The following DBNDD1 variants were observed in gnomAD, a reference collection of about 807,000 sequenced individuals.
DBNDD1 encodes the protein dysbindin domain containing 1.
In DBNDD1, 14 loss-of-function variants were observed where a neutral mutation model predicts 17.0. The observed-to-expected ratio is 0.82, with a 90% CI of 0.54 to 1.29. The LOEUF is 1.29. Among genes scored for constraint, DBNDD1 ranks in the 50% most tolerant of loss-of-function variants. The probability of loss-of-function intolerance (pLI) is 0.00; values close to 1 mark genes in which losing one functional copy is unlikely to be tolerated. For missense variants in DBNDD1, 221 were observed against 216.2 expected (o/e 1.02, Z -0.14); for synonymous variants, 105 against 102.0 (o/e 1.03, Z -0.18).
upstream of DBNDD1, chr16:90,019,661 G>A (rs968663068): frequency 8.3e-5 from 37 of 446,646 alleles, no homozygotes; most frequent in African/African-American, 6.8e-4. The surrounding 1 kb of genome is among the most constrained non-coding windows in gnomAD (Gnocchi z 6.1). Context: ...CCCCGCCGCG[G>A]ACACCACCGG....
chr16:90,014,542 A>C (rs984324251), intron 1 of DBNDD1, among the ~76,000 whole-genome samples: 5 of 152,162 alleles, frequency 3.3e-5, no homozygotes, highest in Admixed American at 1.3e-4. Flanking sequence ...GCCAAACAGC[A>C]ATCCCCTTCC....
intron 2 of DBNDD1, 160 bp from the exon 3 acceptor site, chr16:90,009,084 T>A: frequency 2.5e-6 from 3 of 1,191,184 alleles, no homozygotes; most frequent in Non-Finnish European, 3.4e-6. Context: ...GAGTGTTGCG[T>A]ATACTCATGA....
In DBNDD1 at chr16:90,017,218, G is replaced by A. The variant is rs940769372; in HGVS notation, c.31+2093C>T. The stretch of plus-strand genomic sequence containing the variant: ...TGCTTTATAAAAATCCTATTTTGCC[G>A]GGCATGGTGGCTGACGCCTGTAATC... On this transcript the variant is annotated intron_variant, in intron 1 of 3. Coordinates refer to ENST00000002501, the MANE Select transcript of DBNDD1 (RefSeq NM_001042610.3). Among the ~76,000 whole-genome samples, 12 of 152,342 alleles carry A rather than the reference G, an allele frequency of 7.9e-5. No homozygotes were observed. In the South Asian group the frequency reaches 1.5e-3, roughly 18 times the overall value.
intron 1 of DBNDD1, among the ~76,000 whole-genome samples, chr16:90,016,387 G>A (rs1233056511): frequency 6.6e-6 from 1 of 152,218 alleles, no homozygotes; most frequent in Non-Finnish European, 1.5e-5. Flanking sequence ...CCCAGGGTGG[G>A]AACCAGAGGC....
intron 1 of DBNDD1, among the ~76,000 whole-genome samples, chr16:90,016,028 A>G (rs1198464532): frequency 5.9e-5 from 9 of 152,340 alleles, no homozygotes; most frequent in South Asian, 4.1e-4. Flanking sequence ...ACAATCCTCA[A>G]TGGAAACAAA....
At chr16:90,006,676 G>A (rs1191143917) in intron 3 of DBNDD1, 184 bp from the exon 4 acceptor site, 1 of 787,390 alleles carries the variant, frequency 1.3e-6, no homozygotes, top group Non-Finnish European at 2.0e-6. Flanking sequence ...CCACCAGAGA[G>A]GTGGATGTTG....
rs1384243378 is a variant in DBNDD1 at position 90,009,345 on chromosome 16, C to T, written c.117G>A (p.Glu39=). 6.2e-7 allele frequency: 1 copy of T among 1,613,578 alleles called. No individual in the cohort carries two copies. The highest frequency in any genetic ancestry group is 8.5e-7 in the Non-Finnish European group (1 of 1,180,020). Residue 39 remains glutamate (E), a synonymous_variant, in exon 2 of 4, where the codon GAG becomes GAA. Coordinates refer to ENST00000002501, the MANE Select transcript of DBNDD1 (RefSeq NM_001042610.3). The part of the protein sequence containing the change: ...GTGDNGHTPV[E]EEVGGIPVPA... ...GTACTGGGATGCCCCCGACCTCCTC[C>T]TCCACAGGCGTGTGGCCATTGTCCC...
chr16:90,012,919 G>A (rs1380955964), intron 1 of DBNDD1, among the ~76,000 whole-genome samples: 2 of 151,606 alleles, frequency 1.3e-5, no homozygotes, highest in East Asian at 3.9e-4. Context: ...AATTTTTTTG[G>A]TAGAGACAGG....
At chr16:90,006,739 G>A (rs1178435138) in intron 3 of DBNDD1, 1 of 548,478 alleles carries the variant, frequency 1.8e-6, no homozygotes, top group Non-Finnish European at 3.3e-6. Context: ...CGGAGTCACT[G>A]TATAGTCTAG....
At chr16:90,016,623 A>G (rs8057672) in intron 1 of DBNDD1, among the ~76,000 whole-genome samples, 45,211 of 152,104 alleles carry the variant, frequency 0.3, 7,102 homozygotes, top group South Asian at 0.44. Flanking sequence ...GGAGCACCTC[A>G]GCGAGGGAGC....
chr16:90,013,684 C>T (rs879604252), intron 1 of DBNDD1, among the ~76,000 whole-genome samples: 22 of 152,294 alleles, frequency 1.4e-4, no homozygotes, highest in Admixed American at 5.2e-4. Context: ...TCTCACTGGG[C>T]GGGGCCCCTC....
rs754857838 is a variant in DBNDD1, at chr16:90,009,950, T to C, written c.32-520A>G. On this transcript the variant is annotated intron_variant, in intron 1 of 3. Transcript: ENST00000002501. ...TAATACATTCTCATTAAATGAAAGT[T>C]ACAAACCAGGAGGAATAGGCAGGCC... is the stretch of plus-strand genomic sequence containing the variant. The C allele has an allele frequency of 6.8e-6, 11 of 1,612,962 alleles. No homozygotes were observed. In the East Asian group the frequency reaches 2.2e-4, roughly 33 times the overall value.
Position 90,019,439 on chromosome 16 carries a change from G to T in DBNDD1, c.-98C>A. The T allele has an allele frequency of 1.4e-6, 1 of 694,814 alleles. No homozygotes were observed. The highest frequency in any genetic ancestry group is 1.9e-6 in the Non-Finnish European group (1 of 531,162). 43.0% of individuals were successfully genotyped at this position (694,814 alleles called of 1,614,324 possible). On this transcript the variant is annotated 5_prime_UTR_variant, in exon 1 of 4. An upstream open reading frame in the 5' UTR gains an earlier in-frame stop. Coordinates refer to ENST00000002501, the MANE Select transcript of DBNDD1 (RefSeq NM_001042610.3). This position sits in a 1 kb window ranked among gnomAD's most constrained non-coding sequence, Gnocchi z 6.1. ...CAGCGACTCGGCCCCGGCTCCGGGC[G>T]CAGCGCATCGGGGCAGCAACCGGGG...
chr16:90,016,947 G>C (rs953775430), intron 1 of DBNDD1, among the ~76,000 whole-genome samples: 1 of 152,184 alleles, frequency 6.6e-6, no homozygotes, highest in African/African-American at 2.4e-5. Flanking sequence ...CTCTGGATTT[G>C]GACCCCCAAA....
rs536339172 is a variant in DBNDD1, at chr16:90,006,419, G to C, written c.393C>G (p.His131Gln). The change falls in exon 4 of 4, where the codon CAC becomes CAG. Residue 131 changes from histidine (H) to glutamine (Q), a missense_variant. By Grantham distance (24) the His-to-Gln change is conservative. Transcript: ENST00000002501. Reference protein sequence around the residue: ...SWTRTRAEQSHEKQPLGDPER... With the variant: ...SWTRTRAEQSQEKQPLGDPER... ...CGGGGTCGCCTAGGGGCTGCTTCTCGTGGCTCTGCTCAGCCCTTGTCCTCG... is the reference window on the plus strand; with the variant it reads ...CGGGGTCGCCTAGGGGCTGCTTCTCCTGGCTCTGCTCAGCCCTTGTCCTCG... 1.2e-6 allele frequency: 2 copies of C among 1,604,466 alleles called. No homozygotes were observed. Among genetic ancestry groups the C allele is most frequent in the Non-Finnish European group, 1.7e-6 (2 of 1,179,792 alleles).
intron 1 of DBNDD1, among the ~76,000 whole-genome samples, chr16:90,018,151 C>T (rs1279204691): frequency 6.6e-6 from 1 of 152,238 alleles, no homozygotes. Context: ...CTGGAAACAG[C>T]TCGGAGACCC....
At chr16:90,015,291 C>G (rs1392731911) in intron 1 of DBNDD1, among the ~76,000 whole-genome samples, 2 of 152,186 alleles carry the variant, frequency 1.3e-5, no homozygotes, top group East Asian at 3.9e-4. Flanking sequence ...GGGACAAGAC[C>G]TGAGCCCCCA....
chr16:90,006,108 G>A lies in DBNDD1; in HGVS notation c.*227C>T, dbSNP rs554625184. ...GCTCCCAGAGGCATCCGGGGGCCCCGTGTGTCCCCCAGGAAAGCCGGCTGG... is the reference window on the plus strand; with the variant it reads ...GCTCCCAGAGGCATCCGGGGGCCCCATGTGTCCCCCAGGAAAGCCGGCTGG... On this transcript the variant is annotated 3_prime_UTR_variant, in exon 4 of 4. Coordinates refer to ENST00000002501, the MANE Select transcript of DBNDD1 (RefSeq NM_001042610.3). 1.5e-5 allele frequency: 9 copies of A among 615,364 alleles called. No individual in the cohort carries two copies. The highest frequency in any genetic ancestry group is 1.8e-5 in the African/African-American group (1 of 54,570). The allele number at this position is 615,364 out of a possible 1,614,324, so 38.1% of individuals were successfully genotyped here. A position where few individuals can be genotyped will look rare whatever the true frequency, so the allele number is the denominator to read the frequency against.
intron 1 of DBNDD1, among the ~76,000 whole-genome samples, chr16:90,013,278 A>AAAAAAAAAAAAAAAAAAAAAAAAAAAAC (rs1382498689): frequency 2.0e-5 from 3 of 149,142 alleles, no homozygotes; most frequent in Non-Finnish European, 4.5e-5. Context: ...AAAAAAAAAA[A>AAAAAAAAAAAAAAAAAAAAAAAAAAAAC]AAAAAGACAG....
Sources: allele counts gnomAD v4.1 joint callset (sites outside exome capture counted in the v4.1 genomes callset), GRCh38; gene constraint gnomAD v4.1.1; non-coding constraint Gnocchi (gnomAD v3.1); transcripts MANE v1.5; gene names NCBI Gene and HGNC (gene_info 2026-07-23, HGNC 2026-07-21).